The following SLU7 variants were observed in gnomAD, a reference collection of about 807,000 sequenced individuals.
SLU7 encodes spliceosome associated SLU7.
A neutral mutation model predicts 87.0 loss-of-function variants in SLU7; 60 were observed. That is an observed-to-expected ratio of 0.69 (90% confidence interval 0.56 to 0.86). The LOEUF is 0.86. Ranked by LOEUF, SLU7 falls within the 40% of genes least tolerant of loss-of-function variation. The pLI, the probability that SLU7 is intolerant of heterozygous loss-of-function variation, is 0.00. For synonymous variants in SLU7, 197 were observed against 222.0 expected (o/e 0.89, Z 1.00); for missense variants, 507 against 686.6 (o/e 0.74, Z 2.92).
rs753316031 is a variant in SLU7 at position 160,407,735 on chromosome 5, G to GA, written c.985+10dup. 3.1e-6 allele frequency: 5 copies of GA among 1,610,254 alleles called. No homozygotes were observed. In the East Asian group the frequency reaches 8.9e-5, roughly 29 times the overall value. ...TGATATAAAATGGCTTGACATAGAG[G>GA]AAACACTTACACTGTGTCTGAGCCA... is the stretch of plus-strand genomic sequence containing the variant. On this transcript the variant is annotated intron_variant, in intron 10 of 15. Coordinates refer to ENST00000297151, the MANE Select transcript of SLU7 (RefSeq NM_006425.5). The surrounding 1 kb of genome is among the most constrained non-coding windows in gnomAD (Gnocchi z 4.2).
At chr5:160,408,775 G>A in intron 6 of SLU7, 78 bp from the exon 7 acceptor site, 1 of 336,134 alleles carries the variant, frequency 3.0e-6, no homozygotes, top group Non-Finnish European at 5.4e-6. Flanking sequence ...AGATAATAAA[G>A]TATTATTATC....
At chr5:160,403,944 C>T (rs374181644) in intron 15 of SLU7, among the ~76,000 whole-genome samples, 21 of 152,326 alleles carry the variant, frequency 1.4e-4, no homozygotes, top group African/African-American at 4.8e-4. Flanking sequence ...AAGGCAATAC[C>T]TACACCTCAC....
At position 160,408,017 on chromosome 5, in the gene SLU7, C is replaced by A; in HGVS notation, c.871G>T (p.Ala291Ser). 6.2e-7 allele frequency: 1 copy of A among 1,613,218 alleles called. No homozygotes were observed. Among genetic ancestry groups the A allele is most frequent in the Non-Finnish European group, 8.5e-7 (1 of 1,179,304 alleles). ...NSAYYDPKTR[A>S]MRENPYANAG... Reference sequence around the variant, plus strand: ...TTGGCATAAGGATTCTCTCTCATTGCTCTAGTTTTTGGATCATAGTAGGCA... The same window carrying A: ...TTGGCATAAGGATTCTCTCTCATTGATCTAGTTTTTGGATCATAGTAGGCA... The change falls in exon 9 of 16, where the codon GCA (alanine) becomes TCA (serine). Residue 291 changes from alanine to serine, a missense_variant. Coordinates refer to ENST00000297151, the MANE Select transcript of SLU7 (RefSeq NM_006425.5).
intron 11 of SLU7, among the ~76,000 whole-genome samples, chr5:160,406,983 G>A (rs565748795): frequency 6.6e-6 from 1 of 152,346 alleles, no homozygotes; most frequent in African/African-American, 2.4e-5. Context: ...ACCAATGAAA[G>A]TTGGCAAATG....
intron 15 of SLU7, 122 bp from the exon 16 acceptor site, chr5:160,403,586 T>C: frequency 1.3e-6 from 1 of 757,564 alleles, no homozygotes; most frequent in Non-Finnish European, 2.0e-6. Flanking sequence ...GCAGATTGCC[T>C]GAAAGAGCTT....
chr5:160,407,916 G>A lies in SLU7; in HGVS notation c.917+55C>T, dbSNP rs1581064366. The A allele has an allele frequency of 6.7e-7, 1 of 1,494,958 alleles. No individual in the cohort carries two copies. Among genetic ancestry groups the A allele is most frequent in the East Asian group, 2.3e-5 (1 of 44,236 alleles). The allele number at this position is 1,494,958 out of a possible 1,614,324, so 92.6% of individuals were successfully genotyped here. A position where few individuals can be genotyped will look rare whatever the true frequency, so the allele number is the denominator to read the frequency against. On this transcript the variant is annotated intron_variant, in intron 9 of 15. Coordinates refer to ENST00000297151, the MANE Select transcript of SLU7 (RefSeq NM_006425.5). This position sits in a 1 kb window ranked among gnomAD's most constrained non-coding sequence, Gnocchi z 4.2. ...ATGAACACCATCTATGGTCAGGTCA[G>A]AAAACAATTAACTTTCTCTCATCTT...
intron 5 of SLU7, among the ~76,000 whole-genome samples, 164 bp downstream of exon 5, chr5:160,413,292 T>C (rs1220340278): frequency 6.6e-6 from 1 of 151,724 alleles, no homozygotes; most frequent in Non-Finnish European, 1.5e-5. Flanking sequence ...CACTATTTCC[T>C]TTACTCAATA....
intron 12 of SLU7, 118 bp downstream of exon 12, chr5:160,406,350 T>C (rs941230082): frequency 4.1e-6 from 3 of 735,208 alleles, no homozygotes; most frequent in Non-Finnish European, 5.7e-6. Context: ...CAGTTAAAAT[T>C]TTTTTTTTTT....
chr5:160,414,516 G>A, intron 2 of SLU7, 44 bp from the exon 3 acceptor site: 1 of 1,313,284 alleles, frequency 7.6e-7, no homozygotes, highest in East Asian at 2.4e-5. Context: ...GATAAAATTG[G>A]AAAATAATCA....
intron 1 of SLU7, among the ~76,000 whole-genome samples, chr5:160,415,887 G>A (rs1765432671): frequency 6.6e-6 from 1 of 151,546 alleles, no homozygotes; most frequent in Non-Finnish European, 1.5e-5. Context: ...CATTCTCTTG[G>A]TTTTTCTTTT....
At chr5:160,405,900 A>C (rs1395377979) in intron 12 of SLU7, among the ~76,000 whole-genome samples, 1 of 152,226 alleles carries the variant, frequency 6.6e-6, no homozygotes, top group Non-Finnish European at 1.5e-5. Context: ...TAACCGCATA[A>C]CGATCAAAAG....
At chr5:160,418,258 C>T (rs1765538941) in intron 1 of SLU7, among the ~76,000 whole-genome samples, 1 of 152,116 alleles carries the variant, frequency 6.6e-6, no homozygotes, top group African/African-American at 2.4e-5. Context: ...CACAATAAGC[C>T]CAGTAGATAG....
intron 6 of SLU7, among the ~76,000 whole-genome samples, chr5:160,410,227 CT>C (rs1364947707): frequency 6.6e-6 from 1 of 152,072 alleles, no homozygotes; most frequent in Non-Finnish European, 1.5e-5. Flanking sequence ...GGGATATTTT[CT>C]TTTTTATATT....
At chr5:160,410,518 C>A (rs916726754) in intron 6 of SLU7, among the ~76,000 whole-genome samples, 1 of 151,680 alleles carries the variant, frequency 6.6e-6, no homozygotes, top group Non-Finnish European at 1.5e-5. Context: ...TGTATACATA[C>A]GTAACAAACC....
chr5:160,404,320 G>A (rs996819842), intron 15 of SLU7, 120 bp downstream of exon 15: 47 of 645,400 alleles, frequency 7.3e-5, no homozygotes, highest in East Asian at 5.3e-4. Flanking sequence ...AGCTGCGGTC[G>A]TGCCACTGCA....
intron 12 of SLU7, among the ~76,000 whole-genome samples, chr5:160,406,190 A>G (rs10043169): frequency 0.11 from 16,452 of 152,226 alleles, 969 homozygotes; most frequent in African/African-American, 0.15. Context: ...TGTATTTTAC[A>G]TATATATGTA....
intron 8 of SLU7, 42 bp downstream of exon 8, chr5:160,408,287 C>G (rs371737654): frequency 1.9e-6 from 3 of 1,571,548 alleles, no homozygotes; most frequent in African/African-American, 1.4e-5. Flanking sequence ...GCTGGGAAGA[C>G]AAGTATTTTT....
Position 160,407,678 on chromosome 5 carries a change from A to C in SLU7, c.986-63T>G. ...GCATTACTGTATGCTTCTTGAAAAC[A>C]AGCTTTAAACAATCCCAAACGTCTT... On this transcript the variant is annotated intron_variant, in intron 10 of 15. Coordinates refer to ENST00000297151, the MANE Select transcript of SLU7 (RefSeq NM_006425.5). The surrounding 1 kb of genome is among the most constrained non-coding windows in gnomAD (Gnocchi z 4.2). 6.2e-7 allele frequency: 1 copy of C among 1,602,234 alleles called. No homozygotes were observed. Among genetic ancestry groups the C allele is most frequent in the Non-Finnish European group, 8.5e-7 (1 of 1,174,980 alleles).
rs745696602 is a variant in SLU7, at chr5:160,408,283, A to G, written c.819+46T>C. The G allele has an allele frequency of 2.6e-6, 4 of 1,550,110 alleles. No individual in the cohort carries two copies. In the East Asian group the frequency reaches 6.8e-5, roughly 26 times the overall value. ...CAGAGTCGATAAAATTTATGCTGGGAAGACAAGTATTTTTCAAATATGTAT... is the reference window on the plus strand; with the variant it reads ...CAGAGTCGATAAAATTTATGCTGGGGAGACAAGTATTTTTCAAATATGTAT... On this transcript the variant is annotated intron_variant, in intron 8 of 15. Coordinates refer to ENST00000297151, the MANE Select transcript of SLU7 (RefSeq NM_006425.5).
Sources: gnomAD v4.1 joint callset for allele counts (sites outside exome capture counted in the v4.1 genomes callset) on GRCh38, gnomAD v4.1.1 for gene constraint, Gnocchi (gnomAD v3.1) non-coding constraint, MANE v1.5 for transcripts, NCBI Gene and HGNC (gene_info 2026-07-23, HGNC 2026-07-21) for gene names.